STAG1: variants seen among roughly 807,000 people sequenced by gnomAD.
The protein encoded by STAG1 is STAG1 cohesin complex component, also known as cohesin subunit SA-1.
Under a neutral mutation model 170.9 loss-of-function variants are expected in STAG1, and 26 were observed. The observed-to-expected ratio is 0.15, with a 90% CI of 0.11 to 0.21. The LOEUF (loss-of-function observed/expected upper bound fraction) is 0.21, where lower values mean the gene tolerates loss of function less well. STAG1 is among the 10% of genes least tolerant of loss of function. STAG1 has a pLI of 1.00. For missense variants in STAG1, 964 were observed against 1,509.5 expected (o/e 0.64, Z 5.99); for synonymous variants, 514 against 497.7 (o/e 1.03, Z -0.44).
At chr3:136,568,462 G>A (rs1244056133) in intron 5 of STAG1, among the ~76,000 whole-genome samples, 2 of 152,010 alleles carry the variant, frequency 1.3e-5, no homozygotes, top group Non-Finnish European at 2.9e-5. Context: ...CAAATAATAT[G>A]AGTAAAAATT....
chr3:136,650,725 T>G (rs1002893107), intron 1 of STAG1, among the ~76,000 whole-genome samples: 1 of 152,024 alleles, frequency 6.6e-6, no homozygotes, highest in Non-Finnish European at 1.5e-5. Context: ...GGCAAACAAG[T>G]ATAAAGCTCT....
chr3:136,565,800 G>A (rs1204657648), intron 5 of STAG1, among the ~76,000 whole-genome samples: 2 of 152,150 alleles, frequency 1.3e-5, no homozygotes, highest in East Asian at 3.9e-4. Context: ...ACAGATGAAT[G>A]GATAAACAAA....
chr3:136,618,883 G>T (rs548969752), intron 3 of STAG1, among the ~76,000 whole-genome samples: 1 of 151,832 alleles, frequency 6.6e-6, no homozygotes, highest in South Asian at 2.1e-4. Flanking sequence ...AAAGTGCTGC[G>T]AAGAGATATT....
At chr3:136,731,751 C>T (rs6771713) in intron 1 of STAG1, among the ~76,000 whole-genome samples, 54,773 of 152,050 alleles carry the variant, frequency 0.36, 11,139 homozygotes, top group African/African-American at 0.55. Flanking sequence ...CAAAATTACA[C>T]GAAAACACTT....
At chr3:136,652,187 A>G (rs1242203843) in intron 1 of STAG1, among the ~76,000 whole-genome samples, 1 of 151,228 alleles carries the variant, frequency 6.6e-6, no homozygotes, top group Non-Finnish European at 1.5e-5. Context: ...CACAAATAAC[A>G]GCTGCAAGTC....
At chr3:136,386,927 G>A (rs2086888508) in intron 22 of STAG1, among the ~76,000 whole-genome samples, 1 of 152,068 alleles carries the variant, frequency 6.6e-6, no homozygotes, top group African/African-American at 2.4e-5. Flanking sequence ...TTTGGAATGG[G>A]CAGAAATAAA....
At chr3:136,471,482 A>T (rs1451743298) in intron 12 of STAG1, among the ~76,000 whole-genome samples, 3 of 152,218 alleles carry the variant, frequency 2.0e-5, no homozygotes, top group Non-Finnish European at 2.9e-5. Flanking sequence ...AACATATATT[A>T]TAAAGCCACA....
At chr3:136,583,462 C>T (rs967336071) in intron 4 of STAG1, among the ~76,000 whole-genome samples, 7 of 152,094 alleles carry the variant, frequency 4.6e-5, no homozygotes. Flanking sequence ...GAACAATATA[C>T]TGACATAAAT....
intron 6 of STAG1, among the ~76,000 whole-genome samples, chr3:136,540,771 G>A (rs1229685637): frequency 1.7e-5 from 2 of 120,092 alleles, no homozygotes; most frequent in Non-Finnish European, 1.6e-5. Context: ...AAAGTAAGCT[G>A]AGACAATGCC....
intron 10 of STAG1, among the ~76,000 whole-genome samples, chr3:136,475,943 G>A (rs536577876): frequency 6.6e-6 from 1 of 152,130 alleles, no homozygotes; most frequent in Non-Finnish European, 1.5e-5. Context: ...GCACTAAATT[G>A]TAAGTGTGAC....
chr3:136,538,231 TAATA>T (rs1278106250), intron 6 of STAG1, among the ~76,000 whole-genome samples: 2 of 152,154 alleles, frequency 1.3e-5, no homozygotes, highest in Non-Finnish European at 1.5e-5. Flanking sequence ...TTAATTCTAT[TAATA>T]AATATGCATA....
At chr3:136,626,466 T>C (rs184245336) in intron 2 of STAG1, among the ~76,000 whole-genome samples, 228 of 150,700 alleles carry the variant, frequency 1.5e-3, no homozygotes, top group African/African-American at 5.3e-3. Flanking sequence ...CCATACAGTA[T>C]ATATTTTAGG....
intron 1 of STAG1, among the ~76,000 whole-genome samples, chr3:136,654,742 CT>C (rs1193338306): frequency 6.6e-6 from 1 of 152,172 alleles, no homozygotes; most frequent in East Asian, 1.9e-4. Flanking sequence ...ACACTTCCTA[CT>C]TTCAAAACTT....
chr3:136,608,682 T>C (rs946949511), intron 3 of STAG1, among the ~76,000 whole-genome samples: 4 of 148,540 alleles, frequency 2.7e-5, no homozygotes, highest in Admixed American at 6.8e-5. Flanking sequence ...TGTGTGCCTG[T>C]AGTCCCAGCT....
chr3:136,661,176 T>C (rs1405881045), intron 1 of STAG1, among the ~76,000 whole-genome samples: 1 of 152,222 alleles, frequency 6.6e-6, no homozygotes, highest in African/African-American at 2.4e-5. Flanking sequence ...TGAAGTATTG[T>C]TGTATTCATA....
intron 1 of STAG1, among the ~76,000 whole-genome samples, chr3:136,650,479 G>A (rs1045853041): frequency 1.3e-5 from 2 of 151,996 alleles, no homozygotes; most frequent in Non-Finnish European, 2.9e-5. Flanking sequence ...CAATAAAAAC[G>A]AAAGATTTTT....
chr3:136,542,326 A>T lies in STAG1; in HGVS notation c.395-131T>A, dbSNP rs376009539. The T allele has an allele frequency of 5.9e-6, 4 of 672,680 alleles. No individual in the cohort carries two copies. The South Asian group carries it at 8.3e-5, about 14-fold the overall frequency. The allele number at this position is 672,680 out of a possible 1,614,324, so 41.7% of individuals were successfully genotyped here. A position where few individuals can be genotyped will look rare whatever the true frequency, so the allele number is the denominator to read the frequency against. On this transcript the variant is annotated intron_variant, in intron 5 of 33. Coordinates refer to ENST00000383202, the MANE Select transcript of STAG1 (RefSeq NM_005862.3). The stretch of plus-strand genomic sequence containing the variant: ...CTTCCAACATATATTTTATATTAAA[A>T]CATAAAATGTTGTTTGATCAGGCCC...
At chr3:136,743,733 T>G (rs960065841) in intron 1 of STAG1, among the ~76,000 whole-genome samples, 2 of 152,124 alleles carry the variant, frequency 1.3e-5, no homozygotes, top group African/African-American at 4.8e-5. Flanking sequence ...CCAACCTTTT[T>G]TATGAAGCCA....
chr3:136,368,520 G>T (rs1055577719), intron 24 of STAG1, among the ~76,000 whole-genome samples: 1 of 147,508 alleles, frequency 6.8e-6, no homozygotes, highest in African/African-American at 2.4e-5. Context: ...TATGAACCTG[G>T]ACATAGCCAA....
Sources: allele counts gnomAD v4.1 joint callset (sites outside exome capture counted in the v4.1 genomes callset), GRCh38; gene constraint gnomAD v4.1.1; transcripts MANE v1.5; gene names NCBI Gene and HGNC (gene_info 2026-07-23, HGNC 2026-07-21).